The following ZNF385D variants were observed in gnomAD, a reference collection of about 807,000 sequenced individuals.
ZNF385D encodes zinc finger protein 659.
Under a neutral mutation model 35.8 loss-of-function variants are expected in ZNF385D, and 15 were observed. The ratio of observed to expected loss-of-function variants is 0.42; its 90% CI spans 0.28 to 0.64. ZNF385D has a LOEUF of 0.64. ZNF385D is among the 30% of genes least tolerant of loss of function. The probability of loss-of-function intolerance (pLI) is 0.23; values close to 1 mark genes in which losing one functional copy is unlikely to be tolerated. For synonymous variants in ZNF385D, 212 were observed against 186.8 expected, an observed-to-expected ratio of 1.13 and a Z score of -1.10; for missense variants, 474 against 494.6, an observed-to-expected ratio of 0.96 and a Z score of 0.39.
intron 7 of ZNF385D, among the ~76,000 whole-genome samples, chr3:21,421,981 T>C (rs1012883056): frequency 5.9e-5 from 9 of 152,168 alleles, no homozygotes; most frequent in Non-Finnish European, 2.9e-5. Context: ...AAATACCTTT[T>C]CTCCCCTAAA....
At chr3:22,228,133 A>C (rs1698669170) in intron 2 of ZNF385D, among the ~76,000 whole-genome samples, 1 of 152,212 alleles carries the variant, frequency 6.6e-6, no homozygotes, top group Non-Finnish European at 1.5e-5. Context: ...AGCACTCAGC[A>C]ATCAGAGGAG....
At chr3:22,196,161 C>T (rs1043199954) in intron 2 of ZNF385D, among the ~76,000 whole-genome samples, 6 of 151,802 alleles carry the variant, frequency 4.0e-5, no homozygotes, top group African/African-American at 1.5e-4. Flanking sequence ...GCAATTGTAC[C>T]CCTGAACTTA....
intron 3 of ZNF385D, among the ~76,000 whole-genome samples, chr3:21,922,083 G>C (rs976126572): frequency 3.9e-5 from 6 of 151,950 alleles, no homozygotes; most frequent in Admixed American, 1.3e-4. Flanking sequence ...TGAACCAAGG[G>C]GGTGAAAGAT....
chr3:22,220,447 T>G (rs1421470056), intron 2 of ZNF385D, among the ~76,000 whole-genome samples: 3 of 152,092 alleles, frequency 2.0e-5, no homozygotes, highest in Admixed American at 1.3e-4. Flanking sequence ...ACCATCCAAA[T>G]CTCAACTGGC....
chr3:22,306,502 C>T (rs903468921), intron 2 of ZNF385D, among the ~76,000 whole-genome samples: 1 of 152,016 alleles, frequency 6.6e-6, no homozygotes. Context: ...AGAGAAAGAA[C>T]TATGGCTCCA....
intron 3 of ZNF385D, among the ~76,000 whole-genome samples, chr3:21,991,441 A>G (rs375178046): frequency 6.6e-6 from 1 of 152,174 alleles, no homozygotes; most frequent in Non-Finnish European, 1.5e-5. Flanking sequence ...GTTAGCAAAC[A>G]TTTGGGGTAT....
chr3:22,003,550 G>A (rs1695992199), intron 3 of ZNF385D, among the ~76,000 whole-genome samples: 1 of 152,010 alleles, frequency 6.6e-6, no homozygotes, highest in Non-Finnish European at 1.5e-5. Context: ...TATCAATAAT[G>A]TTTTTTACAG....
chr3:21,681,298 T>TGAA (rs367942289), intron 1 of ZNF385D, among the ~76,000 whole-genome samples: 791 of 64,392 alleles, frequency 0.012, 72 homozygotes, highest in Non-Finnish European at 0.016. Flanking sequence ...ATTCCATCAG[T>TGAA]AAAAAAAAAA....
chr3:21,640,384 C>T (rs1158195878), intron 2 of ZNF385D, among the ~76,000 whole-genome samples: 1 of 152,060 alleles, frequency 6.6e-6, no homozygotes, highest in Non-Finnish European at 1.5e-5. Flanking sequence ...TGAGTCACCA[C>T]GCTAGAAACT....
intron 3 of ZNF385D, among the ~76,000 whole-genome samples, chr3:22,071,283 T>C (rs184994606): frequency 6.6e-6 from 1 of 152,290 alleles, no homozygotes; most frequent in Non-Finnish European, 1.5e-5. Flanking sequence ...TTATCAAGCT[T>C]CTGTCCCAAA....
intron 3 of ZNF385D, among the ~76,000 whole-genome samples, chr3:21,763,497 G>A (rs1559598312): frequency 6.6e-6 from 1 of 152,158 alleles, no homozygotes; most frequent in East Asian, 1.9e-4. Flanking sequence ...TAGTATTGGT[G>A]TTTAAAACTT....
chr3:21,501,423 T>C (rs554438498), intron 4 of ZNF385D, among the ~76,000 whole-genome samples: 2 of 152,370 alleles, frequency 1.3e-5, no homozygotes, highest in East Asian at 3.9e-4. Context: ...AATGCAAGTG[T>C]AATTCTTAAT....
chr3:21,668,868 T>C (rs1049388553), intron 1 of ZNF385D, among the ~76,000 whole-genome samples: 1 of 152,226 alleles, frequency 6.6e-6, no homozygotes, highest in African/African-American at 2.4e-5. Flanking sequence ...ATCTAAGGTA[T>C]GAATAAATGT....
chr3:22,082,551 G>A (rs1039085939), intron 3 of ZNF385D, among the ~76,000 whole-genome samples: 1 of 152,160 alleles, frequency 6.6e-6, no homozygotes, highest in African/African-American at 2.4e-5. Flanking sequence ...TGGTTGGGAA[G>A]CTCTAACTGG....
intron 2 of ZNF385D, among the ~76,000 whole-genome samples, chr3:22,330,828 C>T (rs1047477789): frequency 6.6e-6 from 1 of 152,192 alleles, no homozygotes; most frequent in Middle Eastern, 3.2e-3. Context: ...CTTTACTTTG[C>T]ACTCTTTGTT....
chr3:22,094,385 G>GAGATACATATAT (rs1491256865), intron 3 of ZNF385D, among the ~76,000 whole-genome samples: 13 of 70,834 alleles, frequency 1.8e-4, no homozygotes, highest in African/African-American at 5.2e-4. Flanking sequence ...ATTTATTGTT[G>GAGATACATATAT]ATATATATAT....
chr3:21,973,610 G>C (rs1703404854), intron 3 of ZNF385D, among the ~76,000 whole-genome samples: 1 of 151,856 alleles, frequency 6.6e-6, no homozygotes, highest in African/African-American at 2.4e-5. Flanking sequence ...ATCTAAATTG[G>C]AAAGGAAAAG....
At chr3:21,977,721 A>C (rs915374252) in intron 3 of ZNF385D, among the ~76,000 whole-genome samples, 1 of 152,092 alleles carries the variant, frequency 6.6e-6, no homozygotes, top group African/African-American at 2.4e-5. Context: ...CTATGGTCCC[A>C]GCTACTCGGG....
chr3:21,820,663 T>A lies in ZNF385D; in HGVS notation c.326-155635A>T, dbSNP rs115890589. On this transcript the variant is annotated intron_variant, in intron 3 of 5. Transcript: ENST00000494108. Reference sequence around the variant, plus strand: ...AAGCTTGGTTTCTTGAGGAGACTAATAAATTTTAAAAATTTCTCGAAAGAA... The same window carrying A: ...AAGCTTGGTTTCTTGAGGAGACTAAAAAATTTTAAAAATTTCTCGAAAGAA... Among the ~76,000 whole-genome samples, 133 of 151,736 alleles carry A rather than the reference T, an allele frequency of 8.8e-4. 1 individual carries two copies. Among genetic ancestry groups the A allele is most frequent in the African/African-American group, 3.0e-3 (123 of 41,488 alleles).
Sources: allele counts gnomAD v4.1 joint callset (sites outside exome capture counted in the v4.1 genomes callset), GRCh38; gene constraint gnomAD v4.1.1; transcripts MANE v1.5; gene names NCBI Gene and HGNC (gene_info 2026-07-23, HGNC 2026-07-21).